Variants in ITPR1 observed in about 807,000 individuals in gnomAD.
ITPR1 encodes inositol 1,4,5-trisphosphate-gated calcium channel ITPR1.
ITPR1 carries 96 observed loss-of-function variants against 318.4 expected under a neutral mutation model. The ratio of observed to expected loss-of-function variants is 0.30; its 90% CI spans 0.26 to 0.36. The LOEUF (loss-of-function observed/expected upper bound fraction) is 0.36. Ranked by LOEUF, ITPR1 falls within the 10% of genes least tolerant of loss-of-function variation. The probability of loss-of-function intolerance (pLI) is 1.00; values close to 1 mark genes in which losing one functional copy is unlikely to be tolerated. For missense variants in ITPR1, 2,440 were observed against 3,460.2 expected (o/e 0.71, Z 7.40); for synonymous variants, 1,312 against 1,289.9 (o/e 1.02, Z -0.37).
chr3:4,707,908 T>C (rs2094793474), intron 37 of ITPR1, among the ~76,000 whole-genome samples: 1 of 152,166 alleles, frequency 6.6e-6, no homozygotes, highest in African/African-American at 2.4e-5. Context: ...GATACAGTGG[T>C]CAGCAAAACC....
At chr3:4,807,032 C>G (rs913714050) in intron 55 of ITPR1, among the ~76,000 whole-genome samples, 11 of 149,924 alleles carry the variant, frequency 7.3e-5, no homozygotes, top group African/African-American at 2.7e-4. Flanking sequence ...TTTGTGAGGA[C>G]AAAAATGATC....
chr3:4,574,514 C>T (rs1411114910), intron 4 of ITPR1, among the ~76,000 whole-genome samples: 1 of 152,146 alleles, frequency 6.6e-6, no homozygotes, highest in African/African-American at 2.4e-5. Flanking sequence ...TATCAAAAAA[C>T]AATGGGCTTT....
intron 53 of ITPR1, among the ~76,000 whole-genome samples, chr3:4,795,704 G>A (rs1471994708): frequency 1.3e-5 from 2 of 152,154 alleles, no homozygotes; most frequent in African/African-American, 4.8e-5. Flanking sequence ...ACTGTACAAT[G>A]TTTAGTCTAT....
intron 39 of ITPR1, among the ~76,000 whole-genome samples, chr3:4,713,125 C>A (rs572474841): frequency 6.6e-6 from 1 of 152,300 alleles, no homozygotes; most frequent in South Asian, 2.1e-4. Flanking sequence ...GCAGAGAATA[C>A]ACTTACCAGA....
At chr3:4,698,324 C>T (rs1023029829) in intron 34 of ITPR1, among the ~76,000 whole-genome samples, 2 of 152,134 alleles carry the variant, frequency 1.3e-5, no homozygotes, top group Non-Finnish European at 2.9e-5. Context: ...TATTTTCCTT[C>T]TGAGTGAGAA....
chr3:4,543,856 A>G lies in ITPR1; in HGVS notation c.163+22762A>G, dbSNP rs143165660. 4.8e-3 allele frequency among the ~76,000 whole-genome samples: 732 copies of G among 152,338 alleles called. 4 individuals carry two copies. The highest frequency in any genetic ancestry group is 0.017 in the African/African-American group (706 of 41,578). ...TTCCTTAGAAATCCAGAGATAGGCA[A>G]TATCTTATGTAGTGAAAGTCTCAAA... On this transcript the variant is annotated intron_variant, in intron 4 of 61. Coordinates refer to ENST00000649015, the MANE Select transcript of ITPR1 (RefSeq NM_001378452.1).
intron 12 of ITPR1, 27 bp from the exon 13 acceptor site, chr3:4,658,097 C>T: frequency 6.3e-7 from 1 of 1,588,360 alleles, no homozygotes; most frequent in African/African-American, 1.3e-5. Context: ...ATGCATGGTT[C>T]TTGATTTGGT....
At chr3:4,834,818 C>G (rs1262729999) in intron 60 of ITPR1, among the ~76,000 whole-genome samples, 4 of 152,044 alleles carry the variant, frequency 2.6e-5, no homozygotes, top group Non-Finnish European at 1.5e-5. Context: ...GATCTTTTGC[C>G]CATTGCTCTG....
At chr3:4,573,848 C>A (rs1206681759) in intron 4 of ITPR1, among the ~76,000 whole-genome samples, 1 of 152,188 alleles carries the variant, frequency 6.6e-6, no homozygotes, top group Admixed American at 6.5e-5. Context: ...TTTCTGACAT[C>A]GTAGTGTATT....
At chr3:4,721,148 G>C (rs1286258275) in intron 40 of ITPR1, among the ~76,000 whole-genome samples, 1 of 133,086 alleles carries the variant, frequency 7.5e-6, no homozygotes, top group African/African-American at 2.8e-5. Context: ...ATATATGTCT[G>C]TGTGTAGATA....
intron 60 of ITPR1, among the ~76,000 whole-genome samples, chr3:4,821,306 A>G (rs1358375178): frequency 6.6e-6 from 1 of 152,188 alleles, no homozygotes; most frequent in Non-Finnish European, 1.5e-5. Context: ...CCTTTAGCCC[A>G]TGGTTGAAGA....
chr3:4,806,754 C>A (rs992027436), intron 55 of ITPR1, among the ~76,000 whole-genome samples: 3 of 152,054 alleles, frequency 2.0e-5, no homozygotes, highest in Non-Finnish European at 4.4e-5. Context: ...GTCTAGGAGA[C>A]CCTTTCAGTA....
At chr3:4,537,958 T>C (rs1474402361) in intron 4 of ITPR1, among the ~76,000 whole-genome samples, 1 of 152,234 alleles carries the variant, frequency 6.6e-6, no homozygotes. Context: ...GTCTTATTAC[T>C]CTTTAAAGAA....
At chr3:4,597,798 C>T (rs114869498) in intron 4 of ITPR1, among the ~76,000 whole-genome samples, 546 of 152,312 alleles carry the variant, frequency 3.6e-3, no homozygotes, top group Middle Eastern at 0.027. Context: ...TTGCAGGTAA[C>T]CTCCTAGCTT....
rs375563105 is a variant in ITPR1 at position 4,811,373 on chromosome 3, T to C, written c.7381T>C (p.Tyr2461His). The change falls in exon 56 of 62, where the codon TAC (tyrosine) becomes CAC (histidine). Residue 2461 changes from tyrosine to histidine, a missense_variant. Coordinates refer to ENST00000649015, the MANE Select transcript of ITPR1 (RefSeq NM_001378452.1). ...AGCAGTTCTGGCTCTGATCCTCGTTTACCTGTTCTCAATAGTGGGCTATCT... is the reference window on the plus strand; with the variant it reads ...AGCAGTTCTGGCTCTGATCCTCGTTCACCTGTTCTCAATAGTGGGCTATCT... Reference protein sequence around the residue: ...LTAVLALILVYLFSIVGYLFF... With the variant: ...LTAVLALILVHLFSIVGYLFF... 1.1e-5 allele frequency: 17 copies of C among 1,613,918 alleles called. No homozygotes were observed. Among genetic ancestry groups the C allele is most frequent in the Non-Finnish European group, 1.4e-5 (17 of 1,179,874 alleles).
At chr3:4,740,499 G>T (rs1431159297) in intron 44 of ITPR1, among the ~76,000 whole-genome samples, 1 of 152,162 alleles carries the variant, frequency 6.6e-6, no homozygotes, top group Non-Finnish European at 1.5e-5. Flanking sequence ...TACAGTGCTT[G>T]CTAGGCACTC....
intron 54 of ITPR1, among the ~76,000 whole-genome samples, chr3:4,805,502 GA>G (rs1445099728): frequency 6.6e-6 from 1 of 152,186 alleles, no homozygotes; most frequent in Non-Finnish European, 1.5e-5. Flanking sequence ...ACTCAGAGAG[GA>G]ATGGTCCCCA....
intron 60 of ITPR1, 91 bp downstream of exon 60, chr3:4,818,333 C>A: frequency 9.7e-7 from 1 of 1,033,882 alleles, no homozygotes; most frequent in South Asian, 2.2e-5. Flanking sequence ...AGCTGCACAA[C>A]AGAAGAATAA....
chr3:4,735,035 A>T, intron 43 of ITPR1, 129 bp from the exon 44 acceptor site: 1 of 709,416 alleles, frequency 1.4e-6, no homozygotes, highest in Non-Finnish European at 2.3e-6. Flanking sequence ...TCCTTGTGGG[A>T]TTAAAAGGGT....
Sources: allele counts gnomAD v4.1 joint callset (sites outside exome capture counted in the v4.1 genomes callset), GRCh38; gene constraint gnomAD v4.1.1; transcripts MANE v1.5; gene names NCBI Gene and HGNC (gene_info 2026-07-23, HGNC 2026-07-21).